Variants in LTBP1 observed in about 807,000 individuals in gnomAD.
LTBP1 encodes the protein latent transforming growth factor beta binding protein 1.
LTBP1 carries 129 observed loss-of-function variants against 207.6 expected under a neutral mutation model. The observed-to-expected ratio is 0.62, with a 90% confidence interval of 0.54 to 0.72. LTBP1 has a LOEUF of 0.72. Ranked by LOEUF, LTBP1 falls within the 30% of genes least tolerant of loss-of-function variation. The pLI is 0.00. For synonymous variants in LTBP1, 963 were observed against 833.7 expected, an observed-to-expected ratio of 1.16 and a Z score of -2.67; for missense variants, 2,281 against 2,217.2, an observed-to-expected ratio of 1.03 and a Z score of -0.58.
intron 24 of LTBP1, among the ~76,000 whole-genome samples, chr2:33,341,330 G>T (rs1009528404): frequency 6.6e-6 from 1 of 152,162 alleles, no homozygotes; most frequent in African/African-American, 2.4e-5. Flanking sequence ...GCAGAGACTG[G>T]TCAGGGCGGG....
At chr2:33,250,057 A>T (rs572046780) in intron 10 of LTBP1, among the ~76,000 whole-genome samples, 2 of 152,206 alleles carry the variant, frequency 1.3e-5, no homozygotes, top group East Asian at 3.8e-4. Context: ...AGACAATAAC[A>T]ACACCAATCA....
intron 5 of LTBP1, among the ~76,000 whole-genome samples, chr2:33,178,510 C>T (rs1279554967): frequency 6.6e-6 from 1 of 151,812 alleles, no homozygotes; most frequent in Non-Finnish European, 1.5e-5. Context: ...TTACTAATGC[C>T]CACCAGCATT....
chr2:33,198,457 A>T (rs1484059960), intron 7 of LTBP1, among the ~76,000 whole-genome samples: 1 of 152,154 alleles, frequency 6.6e-6, no homozygotes, highest in African/African-American at 2.4e-5. Flanking sequence ...TGACTGGAAT[A>T]GTTTCAGAAG....
intron 31 of LTBP1, among the ~76,000 whole-genome samples, chr2:33,384,548 C>G (rs930552504): frequency 6.6e-6 from 1 of 152,216 alleles, no homozygotes; most frequent in African/African-American, 2.4e-5. Flanking sequence ...TAAGCAAAAA[C>G]TTTTCCTTTG....
intron 9 of LTBP1, among the ~76,000 whole-genome samples, chr2:33,226,006 A>G (rs531832701): frequency 1.3e-5 from 2 of 152,330 alleles, no homozygotes; most frequent in African/African-American, 4.8e-5. Flanking sequence ...GGTTGATTCC[A>G]TATCTTGGCT....
intron 26 of LTBP1, among the ~76,000 whole-genome samples, chr2:33,356,443 G>A (rs530004718): frequency 6.6e-6 from 1 of 152,298 alleles, no homozygotes; most frequent in South Asian, 2.1e-4. Context: ...ACTTTGGGAG[G>A]CCGAGGTGGG....
chr2:32,963,122 C>T (rs983294957), intron 2 of LTBP1, among the ~76,000 whole-genome samples: 1 of 152,168 alleles, frequency 6.6e-6, no homozygotes, highest in Admixed American at 6.5e-5. Flanking sequence ...TGGTATAAAG[C>T]CCAGTGGAAT....
chr2:33,361,571 A>G, intron 28 of LTBP1, 56 bp downstream of exon 28: 1 of 1,248,492 alleles, frequency 8.0e-7, no homozygotes, highest in Non-Finnish European at 1.2e-6. Flanking sequence ...CAGATATTCA[A>G]GTGAAAACAT....
At chr2:33,218,005 T>A (rs2090843322) in intron 8 of LTBP1, among the ~76,000 whole-genome samples, 1 of 152,210 alleles carries the variant, frequency 6.6e-6, no homozygotes, top group South Asian at 2.1e-4. Context: ...AAAAGTACAG[T>A]TGTTATTTCC....
At chr2:33,175,007 C>G (rs1460019812) in intron 5 of LTBP1, among the ~76,000 whole-genome samples, 8 of 152,200 alleles carry the variant, frequency 5.3e-5, no homozygotes, top group Admixed American at 2.6e-4. Flanking sequence ...AAAATTAATT[C>G]AAGATGAATT....
At chr2:33,296,954 C>G (rs2093888787) in intron 20 of LTBP1, among the ~76,000 whole-genome samples, 1 of 152,092 alleles carries the variant, frequency 6.6e-6, no homozygotes, top group African/African-American at 2.4e-5. Flanking sequence ...AGGGGCAGAG[C>G]ATGACATGGT....
chr2:33,186,717 T>A (rs2087243903), intron 5 of LTBP1, 139 bp from the exon 6 acceptor site: 1 of 646,132 alleles, frequency 1.5e-6, no homozygotes, highest in Admixed American at 2.8e-5. Flanking sequence ...GCGAGTTTAC[T>A]CCTCTGTTTA....
intron 4 of LTBP1, among the ~76,000 whole-genome samples, chr2:33,114,467 A>G (rs867809320): frequency 1.3e-5 from 2 of 152,154 alleles, no homozygotes; most frequent in African/African-American, 4.8e-5. Context: ...GAAAACATCT[A>G]GATATCGGAC....
At chr2:33,257,008 T>C (rs1055342352) in intron 11 of LTBP1, among the ~76,000 whole-genome samples, 11 of 151,086 alleles carry the variant, frequency 7.3e-5, no homozygotes, top group Non-Finnish European at 1.2e-4. Context: ...ATGCTAAGTA[T>C]ATGCTATATA....
chr2:33,296,742 A>T (rs553159774), intron 20 of LTBP1, among the ~76,000 whole-genome samples: 12 of 152,144 alleles, frequency 7.9e-5, no homozygotes, highest in Admixed American at 2.0e-4. Context: ...TTGTTTTTTT[A>T]AAAAAAGGCA....
chr2:33,043,752 C>T (rs1003846391), intron 3 of LTBP1, among the ~76,000 whole-genome samples: 6 of 152,148 alleles, frequency 3.9e-5, no homozygotes, highest in Non-Finnish European at 5.9e-5. Context: ...GAATGCAACA[C>T]AGGTGAAATA....
chr2:33,033,929 A>C (rs2075800967), intron 3 of LTBP1, among the ~76,000 whole-genome samples: 1 of 152,102 alleles, frequency 6.6e-6, no homozygotes, highest in South Asian at 2.1e-4. Context: ...GGAGTTATCG[A>C]TGTGATGTGA....
chr2:33,341,104 G>A (rs115744020), intron 24 of LTBP1, among the ~76,000 whole-genome samples: 2,989 of 151,960 alleles, frequency 0.02, 89 homozygotes, highest in African/African-American at 0.064. Context: ...ACATTTTGGC[G>A]TGACTGTTAA....
intron 31 of LTBP1, among the ~76,000 whole-genome samples, chr2:33,386,251 A>T (rs1326834604): frequency 6.6e-6 from 1 of 152,176 alleles, no homozygotes; most frequent in Non-Finnish European, 1.5e-5. Flanking sequence ...GCTGTTCCTA[A>T]ACATTGCATA....
Sources: allele counts gnomAD v4.1 joint callset (sites outside exome capture counted in the v4.1 genomes callset), GRCh38; gene constraint gnomAD v4.1.1; transcripts MANE v1.5; gene names NCBI Gene and HGNC (gene_info 2026-07-23, HGNC 2026-07-21).